Variants in ACTN4 observed in about 807,000 individuals in gnomAD.
ACTN4 encodes the protein alpha-actinin-4.
A neutral mutation model predicts 114.2 loss-of-function variants in ACTN4; 18 were observed. The observed-to-expected ratio is 0.16, with a 90% CI of 0.11 to 0.23. The LOEUF is 0.23. Ranked by LOEUF, ACTN4 falls within the 10% of genes least tolerant of loss-of-function variation. ACTN4 has a pLI of 1.00. For missense variants in ACTN4, 722 were observed against 1,262.9 expected, an observed-to-expected ratio of 0.57 and a Z score of 6.49; for synonymous variants, 515 against 506.3, an observed-to-expected ratio of 1.02 and a Z score of -0.23.
intron 3 of ACTN4, among the ~76,000 whole-genome samples, chr19:38,703,213 C>T (rs2145002419): frequency 6.6e-6 from 1 of 151,514 alleles, no homozygotes; most frequent in South Asian, 2.1e-4. Flanking sequence ...TGGTCCAAGC[C>T]CTTCTTTTGA....
At chr19:38,694,712 C>T (rs979846027) in intron 1 of ACTN4, among the ~76,000 whole-genome samples, 6 of 130,670 alleles carry the variant, frequency 4.6e-5, no homozygotes, top group Non-Finnish European at 9.6e-5. Flanking sequence ...GAACCTCTCC[C>T]TGCCTCAGTT....
In ACTN4 at chr19:38,729,433, G is replaced by T; in HGVS notation, c.*1G>T. On this transcript the variant is annotated 3_prime_UTR_variant, in exon 21 of 21. Transcript: ENST00000252699. Reference sequence around the variant, plus strand: ...CTTGTATGGCGAGAGCGACCTGTGAGGCCCCAGAGACCTGACCCAACACCC... The same window carrying T: ...CTTGTATGGCGAGAGCGACCTGTGATGCCCCAGAGACCTGACCCAACACCC... The T allele has an allele frequency of 6.2e-7, 1 of 1,612,692 alleles. No individual in the cohort carries two copies. The highest frequency in any genetic ancestry group is 8.5e-7 in the Non-Finnish European group (1 of 1,179,950).
intron 1 of ACTN4, among the ~76,000 whole-genome samples, chr19:38,694,136 A>G (rs925359780): frequency 2.6e-5 from 4 of 152,160 alleles, no homozygotes; most frequent in African/African-American, 9.7e-5. Flanking sequence ...CAGGAGGGCC[A>G]GGGACAGGCT....
rs144791389 is a variant in ACTN4, at chr19:38,699,621, G to A, written c.163-979G>A. Among the ~76,000 whole-genome samples the A allele has an allele frequency of 1.6e-4, 25 of 152,212 alleles. No homozygotes were observed. In the East Asian group the frequency reaches 4.6e-3, roughly 28 times the overall value. On this transcript the variant is annotated intron_variant, in intron 1 of 20. Transcript: ENST00000252699. ...AAGACAAAAATTAGATGGGCATGTT[G>A]GCATACACCCGTAGTCCCAGCTACT... is the stretch of plus-strand genomic sequence containing the variant.
At position 38,717,449 on chromosome 19, in the gene ACTN4, T is replaced by A; in HGVS notation, c.1143+133T>A. 3 of 1,261,768 alleles carry A rather than the reference T, an allele frequency of 2.4e-6. No individual in the cohort carries two copies. Among genetic ancestry groups the A allele is most frequent in the Non-Finnish European group, 3.3e-6 (3 of 903,818 alleles). 78.2% of individuals were successfully genotyped at this position (1,261,768 alleles called of 1,614,324 possible). ...GTGGGACATGGCATGGCCTTTCGGA[T>A]GCAGTGGTCGGGGAGGGGTGCACTT... On this transcript the variant is annotated intron_variant, in intron 10 of 20. Coordinates refer to ENST00000252699, the MANE Select transcript of ACTN4 (RefSeq NM_004924.6). The surrounding 1 kb of genome is among the most constrained non-coding windows in gnomAD (Gnocchi z 4.0).
intron 1 of ACTN4, 113 bp from the exon 2 acceptor site, chr19:38,700,487 C>A: frequency 1.2e-6 from 1 of 846,470 alleles, no homozygotes; most frequent in Non-Finnish European, 2.0e-6. Flanking sequence ...TCGGCGAGTG[C>A]TCCGTGGCAG....
chr19:38,704,674 T>A (rs2287729), intron 3 of ACTN4, among the ~76,000 whole-genome samples: 1 of 151,766 alleles, frequency 6.6e-6, no homozygotes, highest in South Asian at 2.1e-4. Flanking sequence ...GAGAAGGAGC[T>A]GGCTGCGGGG....
At chr19:38,715,623 T>C (rs1480929388) in intron 9 of ACTN4, among the ~76,000 whole-genome samples, 3 of 152,210 alleles carry the variant, frequency 2.0e-5, no homozygotes, top group Non-Finnish European at 2.9e-5. Context: ...ATGTCCAACC[T>C]AAGAGGGCCA....
At chr19:38,699,032 A>G (rs1968182673) in intron 1 of ACTN4, among the ~76,000 whole-genome samples, 1 of 152,078 alleles carries the variant, frequency 6.6e-6, no homozygotes, top group Non-Finnish European at 1.5e-5. Context: ...TTGCTTCTAC[A>G]CTGGCCCCTG....
At position 38,717,919 on chromosome 19, in the gene ACTN4, T is replaced by TGCCCC. The variant is rs767806046; in HGVS notation, c.1144-7_1144-3dup. 1 of 1,589,478 alleles carries TGCCCC rather than the reference T, an allele frequency of 6.3e-7. No homozygotes were observed. Among genetic ancestry groups the TGCCCC allele is most frequent in the Middle Eastern group, 1.7e-4 (1 of 5,900 alleles). On this transcript the variant is annotated splice_region_variant and splice_polypyrimidine_tract_variant and intron_variant, in intron 10 of 20. Transcript: ENST00000252699. The surrounding 1 kb of genome is among the most constrained non-coding windows in gnomAD (Gnocchi z 4.0). The stretch of plus-strand genomic sequence containing the variant: ...GTGATAGCCCTGCCTGCTCCTGCCC[T>TGCCCC]GCCCCAGGACATCAACAATGGCTGG...
intron 19 of ACTN4, 58 bp downstream of exon 19, chr19:38,728,084 CTTCT>C (rs1969305195): frequency 6.6e-7 from 1 of 1,523,160 alleles, no homozygotes. Flanking sequence ...TCTCTCTCTC[CTTCT>C]CTCTTTCTCC....
At chr19:38,710,380 CCG>C (rs1968605657) in intron 8 of ACTN4, 38 bp downstream of exon 8, 1 of 1,592,934 alleles carries the variant, frequency 6.3e-7, no homozygotes, top group Non-Finnish European at 8.6e-7. Context: ...CTCGCCGCCA[CCG>C]CGCAATGCCG....
In ACTN4 at chr19:38,727,401, C is replaced by T. The variant is rs897044985; in HGVS notation, c.2337+298C>T. Among the ~76,000 whole-genome samples the T allele has an allele frequency of 1.3e-5, 2 of 152,130 alleles. No homozygotes were observed. The highest frequency in any genetic ancestry group is 2.9e-5 in the Non-Finnish European group (2 of 68,008). ...CTCAGCACACCCAGGCTTTGCGACC[C>T]GGTCTGTGAACCTGGACACAGACAC... On this transcript the variant is annotated intron_variant, in intron 18 of 20. Transcript: ENST00000252699. This position sits in a 1 kb window ranked among gnomAD's most constrained non-coding sequence, Gnocchi z 5.4.
In ACTN4 at chr19:38,701,060, G is replaced by C; in HGVS notation, c.336G>C (p.Val112=). 1 of 1,614,130 alleles carries C rather than the reference G, an allele frequency of 6.2e-7. No individual in the cohort carries two copies. Among genetic ancestry groups the C allele is most frequent in the Non-Finnish European group, 8.5e-7 (1 of 1,180,038 alleles). The change falls in exon 3 of 21, where the codon GTG becomes GTC. Residue 112 remains valine (V), a synonymous_variant. Coordinates refer to ENST00000252699, the MANE Select transcript of ACTN4 (RefSeq NM_004924.6). ...GKMRVHKINN[V]NKALDFIASK... ...TGAGAGTGCACAAAATCAACAATGT[G>C]AACAAAGCGCTGGACTTTATTGCCA...
chr19:38,650,475 T>G (rs1037583785), intron 1 of ACTN4, among the ~76,000 whole-genome samples: 6 of 152,286 alleles, frequency 3.9e-5, no homozygotes, highest in African/African-American at 1.4e-4. Context: ...AAAGGGTGGC[T>G]CACAGAGTCC....
At chr19:38,728,971 C>G in intron 19 of ACTN4, 25 bp from the exon 20 acceptor site, 1 of 1,611,788 alleles carries the variant, frequency 6.2e-7, no homozygotes, top group Non-Finnish European at 8.5e-7. Flanking sequence ...TGTCGGGTGT[C>G]CCCCACCCCA....
At chr19:38,700,738 C>A in intron 2 of ACTN4, 24 bp downstream of exon 2, 1 of 1,594,416 alleles carries the variant, frequency 6.3e-7, no homozygotes, top group Non-Finnish European at 8.6e-7. Flanking sequence ...CCACGCAGTG[C>A]GGCCGAGCCC....
intron 3 of ACTN4, among the ~76,000 whole-genome samples, chr19:38,704,680 C>T (rs186691714): frequency 2.0e-5 from 3 of 152,260 alleles, no homozygotes; most frequent in Non-Finnish European, 4.4e-5. Context: ...GAGCTGGCTG[C>T]GGGGCCAGGG....
rs193228725 is a variant in ACTN4, at chr19:38,696,601, G to A, written c.163-3999G>A. ...AGTCTCTCCGCATGGAGAAGTGGCCGTCATGGTCGACCTGTTCCCAAGGGT... is the reference window on the plus strand; with the variant it reads ...AGTCTCTCCGCATGGAGAAGTGGCCATCATGGTCGACCTGTTCCCAAGGGT... On this transcript the variant is annotated intron_variant, in intron 1 of 20. Transcript: ENST00000252699. 1.6e-4 allele frequency among the ~76,000 whole-genome samples: 24 copies of A among 152,360 alleles called. 1 individual carries two copies. The highest frequency in any genetic ancestry group is 3.9e-4 in the Admixed American group (6 of 15,304).
Sources: allele counts gnomAD v4.1 joint callset (sites outside exome capture counted in the v4.1 genomes callset), GRCh38; gene constraint gnomAD v4.1.1; non-coding constraint Gnocchi (gnomAD v3.1); transcripts MANE v1.5; gene names NCBI Gene and HGNC (gene_info 2026-07-23, HGNC 2026-07-21).